The following CHCHD3 variants were observed in gnomAD, a reference collection of about 807,000 sequenced individuals.
CHCHD3 encodes the protein coiled-coil-helix-coiled-coil-helix domain containing 3, also known as MICOS complex subunit MIC19.
In CHCHD3, 20 loss-of-function variants were observed where a neutral mutation model predicts 38.2. The observed-to-expected ratio is 0.52, with a 90% confidence interval of 0.37 to 0.76. CHCHD3 has a LOEUF of 0.76. Ranked by LOEUF, CHCHD3 falls within the 30% of genes least tolerant of loss-of-function variation. The probability of loss-of-function intolerance (pLI) is 0.00; values close to 1 mark genes in which losing one functional copy is unlikely to be tolerated. For missense variants in CHCHD3, 245 were observed against 279.2 expected (o/e 0.88, Z 0.87); for synonymous variants, 82 against 100.0 (o/e 0.82, Z 1.07).
intron 4 of CHCHD3, among the ~76,000 whole-genome samples, chr7:132,918,619 TTTAAAGGTCAGTGAGAACTAAAAGAC>T (rs1282315523): frequency 1.3e-5 from 2 of 152,218 alleles, no homozygotes; most frequent in African/African-American, 4.8e-5. Flanking sequence ...AACTGTTTTC[TTTAAAGGTCAGTGAGAACTAAAAGAC>T]TTAAAAGACT....
intron 3 of CHCHD3, among the ~76,000 whole-genome samples, chr7:133,022,856 GA>G (rs59201247): frequency 4.2e-4 from 39 of 91,996 alleles, no homozygotes; most frequent in East Asian, 2.4e-3. Flanking sequence ...TGAAGAAGAA[GA>G]AAAAAAAAAA....
intron 3 of CHCHD3, among the ~76,000 whole-genome samples, chr7:133,013,187 A>G (rs1812931509): frequency 1.5e-5 from 2 of 131,550 alleles, no homozygotes; most frequent in African/African-American, 2.9e-5. Context: ...CTCCGCCTCA[A>G]AAAAAAAAAA....
At chr7:132,860,579 C>T (rs1399512494) in intron 5 of CHCHD3, among the ~76,000 whole-genome samples, 3 of 151,982 alleles carry the variant, frequency 2.0e-5, no homozygotes, top group Non-Finnish European at 2.9e-5. Flanking sequence ...ATTCTAACGG[C>T]TATGGAAAAG....
intron 5 of CHCHD3, among the ~76,000 whole-genome samples, chr7:132,877,434 A>G (rs1808940460): frequency 6.6e-6 from 1 of 152,212 alleles, no homozygotes; most frequent in African/African-American, 2.4e-5. Context: ...CCTTTAGGAA[A>G]GCAGGTAGAT....
chr7:132,816,527 G>A (rs1187187703), intron 6 of CHCHD3, among the ~76,000 whole-genome samples: 3 of 152,074 alleles, frequency 2.0e-5, no homozygotes, highest in East Asian at 1.9e-4. Context: ...TTAATTGCAC[G>A]ATCTCTCCAG....
intron 5 of CHCHD3, chr7:132,849,358 G>A (rs868776958): frequency 1.3e-5 from 2 of 152,126 alleles, no homozygotes; most frequent in South Asian, 2.1e-4. Context: ...TGTAAGCACT[G>A]AACTCAAAAA....
intron 2 of CHCHD3, among the ~76,000 whole-genome samples, chr7:133,026,199 C>A (rs1259231641): frequency 6.6e-6 from 1 of 152,058 alleles, no homozygotes; most frequent in Non-Finnish European, 1.5e-5. Context: ...AATAAAAAGA[C>A]AACTCAATTA....
chr7:132,845,282 T>C (rs4731911), intron 5 of CHCHD3: 36,330 of 152,090 alleles, frequency 0.24, 4,480 homozygotes, highest in South Asian at 0.26. Flanking sequence ...CTTAGGAATG[T>C]GACCTATTAT....
At chr7:132,868,839 G>A (rs1360097961) in intron 5 of CHCHD3, among the ~76,000 whole-genome samples, 2 of 152,114 alleles carry the variant, frequency 1.3e-5, no homozygotes, top group Non-Finnish European at 2.9e-5. Flanking sequence ...CTGTCGGAGA[G>A]TAACTGCTGT....
chr7:132,824,460 A>C (rs184734145), intron 6 of CHCHD3, among the ~76,000 whole-genome samples: 84 of 151,982 alleles, frequency 5.5e-4, no homozygotes, highest in African/African-American at 2.0e-3. Flanking sequence ...CTGGGACAAC[A>C]GGTGCCCGCC....
intron 4 of CHCHD3, among the ~76,000 whole-genome samples, chr7:132,931,115 CAA>C (rs1177400286): frequency 6.6e-6 from 1 of 152,182 alleles, no homozygotes; most frequent in African/African-American, 2.4e-5. Context: ...AGTGGAGTAA[CAA>C]GAGTGACAAG....
chr7:132,879,181 T>C (rs139211986), intron 5 of CHCHD3, among the ~76,000 whole-genome samples: 2 of 152,270 alleles, frequency 1.3e-5, no homozygotes, highest in African/African-American at 4.8e-5. Context: ...ATACAGCACA[T>C]AGAATAATAT....
chr7:132,978,238 A>G (rs1585694005), intron 3 of CHCHD3, among the ~76,000 whole-genome samples: 1 of 152,196 alleles, frequency 6.6e-6, no homozygotes, highest in African/African-American at 2.4e-5. Context: ...CGAAATGAAG[A>G]AGACAATCTC....
chr7:133,051,815 C>A (rs1477662925), intron 2 of CHCHD3, among the ~76,000 whole-genome samples: 1 of 151,938 alleles, frequency 6.6e-6, no homozygotes, highest in Non-Finnish European at 1.5e-5. Context: ...ATCATTCGTT[C>A]AAAAAAATGT....
At chr7:132,853,571 G>A (rs1808272786) in intron 5 of CHCHD3, among the ~76,000 whole-genome samples, 1 of 152,150 alleles carries the variant, frequency 6.6e-6, no homozygotes. Context: ...GTAGGGAGCT[G>A]AGATCGCGCC....
chr7:132,996,333 C>G (rs10247648), intron 3 of CHCHD3, among the ~76,000 whole-genome samples: 108,006 of 152,078 alleles, frequency 0.71, 38,523 homozygotes, highest in African/African-American at 0.75. Flanking sequence ...AAGGCAACAA[C>G]TGGCTACCAG....
In CHCHD3 at chr7:133,035,538, G is replaced by T; in HGVS notation, c.170-10911C>A. ...CCTCACTTCCTCCTTTGCATTCTCA[G>T]TGGCCTGTTTGTTGTGGTGCATGAT... On this transcript the variant is annotated intron_variant, in intron 2 of 7. Transcript: ENST00000262570. This position sits in a 1 kb window ranked among gnomAD's most constrained non-coding sequence, Gnocchi z 4.7. The T allele has an allele frequency of 6.2e-7, 1 of 1,613,540 alleles. No individual in the cohort carries two copies.
intron 6 of CHCHD3, among the ~76,000 whole-genome samples, chr7:132,834,170 A>G (rs1807719473): frequency 1.3e-5 from 2 of 152,222 alleles, no homozygotes; most frequent in Admixed American, 1.3e-4. Flanking sequence ...ATTGTCTTAC[A>G]AAAGTCCTGA....
At chr7:132,888,805 GA>G (rs1296449569) in intron 4 of CHCHD3, among the ~76,000 whole-genome samples, 21 of 151,444 alleles carry the variant, frequency 1.4e-4, no homozygotes, top group East Asian at 3.9e-4. Context: ...TATTAAGTGA[GA>G]AAAAAAACAC....
Sources: gnomAD v4.1 joint callset for allele counts (sites outside exome capture counted in the v4.1 genomes callset) on GRCh38, gnomAD v4.1.1 for gene constraint, Gnocchi (gnomAD v3.1) non-coding constraint, MANE v1.5 for transcripts, NCBI Gene and HGNC (gene_info 2026-07-23, HGNC 2026-07-21) for gene names.